APBB2: variants seen among roughly 807,000 people sequenced by gnomAD.
APBB2 encodes amyloid beta precursor protein binding family B member 2, also known as Fe65-like 1.
APBB2 carries 38 observed loss-of-function variants against 82.5 expected under a neutral mutation model. The observed-to-expected ratio is 0.46, with a 90% CI of 0.36 to 0.60. The LOEUF (loss-of-function observed/expected upper bound fraction) is 0.60. APBB2 is among the 20% of genes least tolerant of loss of function. The probability of loss-of-function intolerance (pLI) is 0.00; values close to 1 mark genes in which losing one functional copy is unlikely to be tolerated. For synonymous variants in APBB2, 341 were observed against 368.2 expected, an observed-to-expected ratio of 0.93 and a Z score of 0.85; for missense variants, 772 against 972.3, an observed-to-expected ratio of 0.79 and a Z score of 2.74.
intron 2 of APBB2, among the ~76,000 whole-genome samples, chr4:41,133,970 C>T (rs1756804687): frequency 6.6e-6 from 1 of 152,076 alleles, no homozygotes; most frequent in South Asian, 2.1e-4. Flanking sequence ...CTAGGACACA[C>T]TTTCCTTTTT....
intron 6 of APBB2, among the ~76,000 whole-genome samples, chr4:40,948,448 T>A (rs10938460): frequency 6.6e-6 from 1 of 152,094 alleles, no homozygotes; most frequent in South Asian, 2.1e-4. Context: ...GGCACGTGCC[T>A]GTAGTGACAG....
chr4:41,164,381 T>A (rs1435707597), intron 1 of APBB2, among the ~76,000 whole-genome samples: 1 of 152,206 alleles, frequency 6.6e-6, no homozygotes, highest in African/African-American at 2.4e-5. Context: ...AATCTCTGAA[T>A]CCACAACTGA....
At chr4:41,141,806 A>G (rs1759296509) in intron 2 of APBB2, among the ~76,000 whole-genome samples, 1 of 152,218 alleles carries the variant, frequency 6.6e-6, no homozygotes, top group South Asian at 2.1e-4. Context: ...TTTAAAACCA[A>G]CAGATCTCAT....
In APBB2 at chr4:40,878,851, C is replaced by T. The variant is rs148537294; in HGVS notation, c.1529+11513G>A. On this transcript the variant is annotated intron_variant, in intron 12 of 17. Transcript: ENST00000508593. ...TGGCTCCCTTCTTTTTCTTTGGCCC[C>T]ACGTCTGATCTGGCATTTCCGTCCT... Among the ~76,000 whole-genome samples the T allele has an allele frequency of 3.1e-3, 479 of 152,192 alleles. 2 individuals carry two copies. Among genetic ancestry groups the T allele is most frequent in the African/African-American group, 0.011 (459 of 41,524 alleles).
At chr4:40,864,180 G>T (rs953976268) in intron 12 of APBB2, among the ~76,000 whole-genome samples, 19 of 152,028 alleles carry the variant, frequency 1.2e-4, no homozygotes, top group East Asian at 9.7e-4. Flanking sequence ...CTTGAACCGG[G>T]AAGGTAGAGG....
At chr4:41,058,483 C>T (rs1357201836) in intron 4 of APBB2, among the ~76,000 whole-genome samples, 3 of 152,112 alleles carry the variant, frequency 2.0e-5, no homozygotes, top group South Asian at 2.1e-4. Flanking sequence ...AAAATAATGG[C>T]GGTCAACAGG....
intron 12 of APBB2, among the ~76,000 whole-genome samples, chr4:40,839,869 T>A (rs768550081): frequency 1.5e-4 from 23 of 152,216 alleles, no homozygotes; most frequent in Admixed American, 7.2e-4. Flanking sequence ...TTCGCCATGT[T>A]GGCCAGGGTG....
intron 10 of APBB2, among the ~76,000 whole-genome samples, chr4:40,913,275 G>C (rs1477527134): frequency 6.6e-6 from 1 of 152,074 alleles, no homozygotes. Flanking sequence ...AATAGTAACA[G>C]GTATATTTGC....
chr4:40,867,498 CA>C (rs1192958564), intron 12 of APBB2, among the ~76,000 whole-genome samples: 8 of 152,166 alleles, frequency 5.3e-5, no homozygotes, highest in African/African-American at 1.9e-4. Context: ...GAGGTGAAGC[CA>C]AAATTTGAAC....
intron 12 of APBB2, among the ~76,000 whole-genome samples, chr4:40,857,417 C>T (rs1057451955): frequency 1.3e-5 from 2 of 152,198 alleles, no homozygotes; most frequent in Non-Finnish European, 2.9e-5. Context: ...TTCATTCAAA[C>T]CCACTGAACC....
intron 1 of APBB2, chr4:41,207,707 T>A (rs757548893): frequency 6.6e-6 from 1 of 152,164 alleles, no homozygotes; most frequent in Non-Finnish European, 1.5e-5. Context: ...TGGGTGACTC[T>A]ATATTCCTGG....
chr4:40,959,631 C>T (rs1307111123), intron 6 of APBB2, among the ~76,000 whole-genome samples: 2 of 152,120 alleles, frequency 1.3e-5, no homozygotes, highest in Non-Finnish European at 1.5e-5. Context: ...GACAATTTGG[C>T]CTTTTATCAG....
intron 3 of APBB2, among the ~76,000 whole-genome samples, chr4:41,096,957 A>G (rs771550839): frequency 6.6e-5 from 10 of 152,250 alleles, no homozygotes; most frequent in Non-Finnish European, 1.2e-4. Context: ...TGTTCGCTCA[A>G]TAAATGAACT....
intron 10 of APBB2, among the ~76,000 whole-genome samples, chr4:40,909,768 C>T (rs756540201): frequency 6.6e-6 from 1 of 152,190 alleles, no homozygotes; most frequent in African/African-American, 2.4e-5. Context: ...TTATCGAGGG[C>T]TCACTCTGTG....
At chr4:40,873,726 G>A (rs1037805030) in intron 12 of APBB2, among the ~76,000 whole-genome samples, 2 of 152,200 alleles carry the variant, frequency 1.3e-5, no homozygotes, top group South Asian at 2.1e-4. Flanking sequence ...GGAAGGCCAC[G>A]GGTGTCATTT....
chr4:40,983,967 A>G (rs575745059), intron 6 of APBB2, among the ~76,000 whole-genome samples: 229 of 152,352 alleles, frequency 1.5e-3, no homozygotes, highest in African/African-American at 5.3e-3. Flanking sequence ...AGTGAGTTCA[A>G]TGGTTAATTA....
chr4:41,181,689 T>C (rs1476367783), intron 1 of APBB2, among the ~76,000 whole-genome samples: 1 of 152,204 alleles, frequency 6.6e-6, no homozygotes, highest in Non-Finnish European at 1.5e-5. Context: ...CTCACGCCTA[T>C]AATTCCAGCA....
At chr4:40,904,032 G>A (rs1185646965) in intron 10 of APBB2, among the ~76,000 whole-genome samples, 2 of 152,172 alleles carry the variant, frequency 1.3e-5, no homozygotes, top group East Asian at 1.9e-4. Flanking sequence ...TAAGAGTTAA[G>A]TACAGCCCTC....
chr4:41,126,241 G>C (rs960372906), intron 2 of APBB2, among the ~76,000 whole-genome samples: 55 of 151,862 alleles, frequency 3.6e-4, no homozygotes, highest in African/African-American at 1.3e-3. Context: ...AAAATTAGCT[G>C]GGCATGGTGG....
Sources: gnomAD v4.1 joint callset for allele counts (sites outside exome capture counted in the v4.1 genomes callset) on GRCh38, gnomAD v4.1.1 for gene constraint, MANE v1.5 for transcripts, NCBI Gene and HGNC (gene_info 2026-07-23, HGNC 2026-07-21) for gene names.